MARCHF1: variants seen among roughly 807,000 people sequenced by gnomAD.
MARCHF1 encodes the protein membrane associated ring-CH-type finger 1.
Under a neutral mutation model 54.2 loss-of-function variants are expected in MARCHF1, and 40 were observed. The observed-to-expected ratio is 0.74, with a 90% CI of 0.57 to 0.96. The LOEUF (loss-of-function observed/expected upper bound fraction) is 0.96. Ranked by LOEUF, MARCHF1 falls within the 40% of genes least tolerant of loss-of-function variation. The pLI is 0.00. For missense variants in MARCHF1, 586 were observed against 656.5 expected, an observed-to-expected ratio of 0.89 and a Z score of 1.17; for synonymous variants, 236 against 236.3, an observed-to-expected ratio of 1.00 and a Z score of 0.01.
intron 1 of MARCHF1, among the ~76,000 whole-genome samples, chr4:164,340,399 C>T (rs1351728913): frequency 8.6e-5 from 6 of 69,992 alleles, no homozygotes; most frequent in African/African-American, 2.2e-4. Context: ...GCCACCAGGC[C>T]TTGATTTATA....
chr4:163,579,278 A>T (rs886453132), intron 8 of MARCHF1, among the ~76,000 whole-genome samples: 2 of 152,238 alleles, frequency 1.3e-5, no homozygotes, highest in African/African-American at 4.8e-5. Flanking sequence ...TATCAATTGT[A>T]CTTCTAAGAG....
At chr4:164,256,626 A>C (rs1733295494) in intron 1 of MARCHF1, among the ~76,000 whole-genome samples, 1 of 152,146 alleles carries the variant, frequency 6.6e-6, no homozygotes, top group African/African-American at 2.4e-5. Flanking sequence ...AGACTGAGAA[A>C]ACTTTTAAGC....
At chr4:163,790,441 C>A (rs997541029) in intron 4 of MARCHF1, among the ~76,000 whole-genome samples, 2 of 151,968 alleles carry the variant, frequency 1.3e-5, no homozygotes, top group African/African-American at 2.4e-5. Context: ...ATTAATAGGG[C>A]AGATTTTCAT....
chr4:163,776,730 G>A (rs557074149), intron 4 of MARCHF1, among the ~76,000 whole-genome samples: 1 of 152,222 alleles, frequency 6.6e-6, no homozygotes, highest in South Asian at 2.1e-4. Flanking sequence ...GTTATTTTCT[G>A]TGGAAAATAA....
intron 1 of MARCHF1, among the ~76,000 whole-genome samples, chr4:164,133,092 G>A (rs1344602979): frequency 1.3e-5 from 2 of 152,146 alleles, no homozygotes; most frequent in Non-Finnish European, 2.9e-5. Flanking sequence ...AAGGAGGAAA[G>A]GGAGTAAATT....
intron 4 of MARCHF1, among the ~76,000 whole-genome samples, chr4:163,724,954 C>T (rs189300354): frequency 2.0e-5 from 3 of 152,140 alleles, no homozygotes; most frequent in African/African-American, 7.2e-5. Context: ...CCTTGCACTT[C>T]CCGGGTGAGG....
At chr4:163,719,729 G>A (rs968722300) in intron 4 of MARCHF1, among the ~76,000 whole-genome samples, 1 of 151,830 alleles carries the variant, frequency 6.6e-6, no homozygotes, top group Non-Finnish European at 1.5e-5. Flanking sequence ...CATTCTAACT[G>A]GGGTGAGATG....
In MARCHF1 at chr4:164,066,796, C is replaced by T. The variant is rs1312695049; in HGVS notation, c.-248+44792G>A. Among the ~76,000 whole-genome samples, 5 of 152,214 alleles carry T rather than the reference C, an allele frequency of 3.3e-5. No individual in the cohort carries two copies. In the East Asian group the frequency reaches 9.7e-4, roughly 29 times the overall value. On this transcript the variant is annotated intron_variant, in intron 2 of 9. Coordinates refer to ENST00000514618, the MANE Select transcript of MARCHF1 (RefSeq NM_001394959.1). Reference sequence around the variant, plus strand: ...GAAAACCAAATGCTGCATGTTCTCACTTATAAGTAGGAGCTAAATGATGAG... The same window carrying T: ...GAAAACCAAATGCTGCATGTTCTCATTTATAAGTAGGAGCTAAATGATGAG...
rs1579373600 is a variant in MARCHF1 at position 163,894,889 on chromosome 4, T to C, written c.-38-40720A>G. Among the ~76,000 whole-genome samples the C allele has an allele frequency of 1.3e-4, 5 of 39,786 alleles. 2 individuals carry two copies. The highest frequency in any genetic ancestry group is 2.9e-4 in the African/African-American group (5 of 17,190). 26.1% of individuals were successfully genotyped at this position (39,786 alleles called of 152,430 possible). A position where few individuals can be genotyped will look rare whatever the true frequency, so the allele number is the denominator to read the frequency against. On this transcript the variant is annotated intron_variant, in intron 3 of 9. Coordinates refer to ENST00000514618, the MANE Select transcript of MARCHF1 (RefSeq NM_001394959.1). ...CATATATATATGCATGTGATGCATATATATATGCATGTGATGCATATATAT... is the reference window on the plus strand; with the variant it reads ...CATATATATATGCATGTGATGCATACATATATGCATGTGATGCATATATAT...
chr4:163,999,235 A>T (rs940679655), intron 2 of MARCHF1, among the ~76,000 whole-genome samples: 2 of 150,492 alleles, frequency 1.3e-5, no homozygotes, highest in East Asian at 1.9e-4. Flanking sequence ...TATTTTGGTT[A>T]AAAAAAACCG....
intron 2 of MARCHF1, among the ~76,000 whole-genome samples, chr4:164,033,431 T>C (rs1006981319): frequency 3.9e-5 from 6 of 152,132 alleles, no homozygotes; most frequent in African/African-American, 1.4e-4. Context: ...AAATGGGATC[T>C]AATTAAACTA....
intron 8 of MARCHF1, among the ~76,000 whole-genome samples, chr4:163,572,964 C>T (rs1050936752): frequency 3.3e-5 from 5 of 152,052 alleles, no homozygotes; most frequent in African/African-American, 1.2e-4. Context: ...AATAATTAGG[C>T]TATGAGTGGT....
At chr4:164,348,499 A>T (rs966750589) in intron 1 of MARCHF1, among the ~76,000 whole-genome samples, 1 of 152,128 alleles carries the variant, frequency 6.6e-6, no homozygotes, top group Non-Finnish European at 1.5e-5. Context: ...GCTTATTTGT[A>T]AGTAGATGTT....
intron 2 of MARCHF1, among the ~76,000 whole-genome samples, chr4:164,109,911 G>GGAAAAAA (rs1755795301): frequency 6.2e-5 from 1 of 16,012 alleles, no homozygotes; most frequent in Non-Finnish European, 1.5e-4. Flanking sequence ...TAAAATAAAA[G>GGAAAAAA]TAAAAAAAAA....
chr4:163,993,294 G>A (rs1447326393), intron 2 of MARCHF1, among the ~76,000 whole-genome samples: 1 of 152,082 alleles, frequency 6.6e-6, no homozygotes, highest in Non-Finnish European at 1.5e-5. Flanking sequence ...ATGTTTATGG[G>A]TTTTGTCTGA....
intron 1 of MARCHF1, among the ~76,000 whole-genome samples, chr4:164,224,240 GAGT>G (rs1337242066): frequency 4.6e-5 from 1 of 21,710 alleles, no homozygotes; most frequent in African/African-American, 2.4e-4. Context: ...AAAATATTAT[GAGT>G]TTTTTTTTTT....
chr4:164,192,943 C>G (rs1002850326), intron 1 of MARCHF1, among the ~76,000 whole-genome samples: 1 of 152,134 alleles, frequency 6.6e-6, no homozygotes, highest in Non-Finnish European at 1.5e-5. Context: ...AGAGGGAGGA[C>G]ACTGTTACCG....
intron 4 of MARCHF1, among the ~76,000 whole-genome samples, chr4:163,753,440 C>G (rs1407027860): frequency 6.6e-6 from 1 of 151,962 alleles, no homozygotes; most frequent in Admixed American, 6.6e-5. Flanking sequence ...GCTATTTATT[C>G]TCTCTTTTTT....
intron 8 of MARCHF1, among the ~76,000 whole-genome samples, chr4:163,570,942 G>C (rs1333656436): frequency 6.6e-6 from 1 of 151,892 alleles, no homozygotes; most frequent in African/African-American, 2.4e-5. Flanking sequence ...TACCTATCTG[G>C]TTCCTGATAT....
Sources: gnomAD v4.1 joint callset for allele counts (sites outside exome capture counted in the v4.1 genomes callset) on GRCh38, gnomAD v4.1.1 for gene constraint, MANE v1.5 for transcripts, NCBI Gene and HGNC (gene_info 2026-07-23, HGNC 2026-07-21) for gene names.